UNC5D: variants seen among roughly 807,000 people sequenced by gnomAD.
UNC5D encodes the protein netrin receptor UNC5D.
In UNC5D, 39 loss-of-function variants were observed where a neutral mutation model predicts 105.4. That is an observed-to-expected ratio of 0.37 (90% CI 0.29 to 0.48). UNC5D has a LOEUF of 0.48. Among genes scored for constraint, UNC5D ranks in the 20% least tolerant of loss-of-function variants. The pLI is 0.98. For synonymous variants in UNC5D, 452 were observed against 450.4 expected (o/e 1.00, Z -0.04); for missense variants, 991 against 1,202.4 (o/e 0.82, Z 2.60).
chr8:35,455,627 A>G (rs1052225469), intron 1 of UNC5D, among the ~76,000 whole-genome samples: 1 of 151,786 alleles, frequency 6.6e-6, no homozygotes, highest in African/African-American at 2.4e-5. Flanking sequence ...ATCTCTTTTT[A>G]TGCTGCTGAT....
intron 1 of UNC5D, among the ~76,000 whole-genome samples, chr8:35,530,792 G>A (rs1355976767): frequency 1.4e-5 from 2 of 144,046 alleles, no homozygotes; most frequent in African/African-American, 5.4e-5. Context: ...TATGTGTCAA[G>A]GAATTTATCC....
chr8:35,410,690 C>T (rs1291483390), intron 1 of UNC5D, among the ~76,000 whole-genome samples: 1 of 152,052 alleles, frequency 6.6e-6, no homozygotes, highest in African/African-American at 2.4e-5. Context: ...CTGAGCTCTG[C>T]AGAGATATTT....
At chr8:35,527,955 A>G in intron 1 of UNC5D, among the ~76,000 whole-genome samples, 1 of 151,862 alleles carries the variant, frequency 6.6e-6, no homozygotes, top group East Asian at 1.9e-4. Context: ...CAACATTTTA[A>G]TTTGGCAGTG....
intron 3 of UNC5D, among the ~76,000 whole-genome samples, chr8:35,587,005 G>A (rs1014927883): frequency 6.6e-6 from 1 of 152,146 alleles, no homozygotes; most frequent in Admixed American, 6.5e-5. Flanking sequence ...AGGAAGGGGA[G>A]GCTGCTGCTT....
chr8:35,416,191 T>TA (rs549174864), intron 1 of UNC5D, among the ~76,000 whole-genome samples: 4 of 150,846 alleles, frequency 2.7e-5, no homozygotes, highest in African/African-American at 7.3e-5. Flanking sequence ...AATTAAAAAT[T>TA]AAAAAAAAAG....
intron 14 of UNC5D, among the ~76,000 whole-genome samples, chr8:35,764,314 G>C: frequency 6.6e-6 from 1 of 152,142 alleles, no homozygotes; most frequent in Non-Finnish European, 1.5e-5. Flanking sequence ...TAACAGAGAT[G>C]ATGTTTTTGG....
intron 4 of UNC5D, among the ~76,000 whole-genome samples, chr8:35,628,135 A>G (rs1442261118): frequency 1.3e-5 from 2 of 151,820 alleles, no homozygotes; most frequent in African/African-American, 4.8e-5. Context: ...TTACTTACTT[A>G]CTTACTTATT....
At chr8:35,528,194 C>T (rs1016743299) in intron 1 of UNC5D, among the ~76,000 whole-genome samples, 102 of 151,100 alleles carry the variant, frequency 6.8e-4, no homozygotes, top group African/African-American at 2.3e-3. Context: ...TATCCCTCCC[C>T]GCTCCCCCCA....
chr8:35,563,317 T>C (rs1393522029), intron 2 of UNC5D, among the ~76,000 whole-genome samples: 2 of 143,438 alleles, frequency 1.4e-5, no homozygotes, highest in African/African-American at 2.6e-5. Context: ...GTGGAGATCT[T>C]CTATGTCTTT....
chr8:35,666,558 C>G (rs1824434436), intron 4 of UNC5D, among the ~76,000 whole-genome samples: 1 of 151,624 alleles, frequency 6.6e-6, no homozygotes, highest in Non-Finnish European at 1.5e-5. Flanking sequence ...TTCATAACAA[C>G]CAGAATGCAA....
At chr8:35,608,493 T>A (rs1022939405) in intron 4 of UNC5D, among the ~76,000 whole-genome samples, 1 of 152,222 alleles carries the variant, frequency 6.6e-6, no homozygotes, top group Non-Finnish European at 1.5e-5. Flanking sequence ...ATGTAAGCCC[T>A]GAAGACAGGG....
intron 1 of UNC5D, among the ~76,000 whole-genome samples, chr8:35,481,891 C>G (rs1399833589): frequency 6.6e-6 from 1 of 152,056 alleles, no homozygotes; most frequent in Non-Finnish European, 1.5e-5. Context: ...CTCCAACACC[C>G]TCTGCTTTTC....
At chr8:35,366,319 C>T (rs1171531900) in intron 1 of UNC5D, among the ~76,000 whole-genome samples, 1 of 152,048 alleles carries the variant, frequency 6.6e-6, no homozygotes, top group Non-Finnish European at 1.5e-5. Flanking sequence ...TATCCCATTT[C>T]TCTCTTGCCA....
chr8:35,521,294 G>T (rs2130450878), intron 1 of UNC5D, among the ~76,000 whole-genome samples: 1 of 152,218 alleles, frequency 6.6e-6, no homozygotes, highest in Admixed American at 6.5e-5. Context: ...TTACTTTTAT[G>T]AAAATGAATA....
chr8:35,320,572 G>A (rs113472249), intron 1 of UNC5D, among the ~76,000 whole-genome samples: 1 of 152,232 alleles, frequency 6.6e-6, no homozygotes, highest in African/African-American at 2.4e-5. Flanking sequence ...TATATTTTGG[G>A]CTAAAATACT....
At position 35,394,406 on chromosome 8, in the gene UNC5D, T is replaced by C. The variant is rs139103442; in HGVS notation, c.104-154886T>C. Among the ~76,000 whole-genome samples, 156 of 152,320 alleles carry C rather than the reference T, an allele frequency of 1.0e-3. No homozygotes were observed. The Middle Eastern group carries it at 0.027, about 27-fold the overall frequency. On this transcript the variant is annotated intron_variant, in intron 1 of 16. Coordinates refer to ENST00000404895, the MANE Select transcript of UNC5D (RefSeq NM_080872.4). ...GTTGTACACTAATGATTTACTCTTC[T>C]GTGTGTATGTATTTCATTTTAAATA... is the stretch of plus-strand genomic sequence containing the variant.
chr8:35,292,613 A>G (rs191688958), intron 1 of UNC5D, among the ~76,000 whole-genome samples: 1 of 152,202 alleles, frequency 6.6e-6, no homozygotes, highest in Non-Finnish European at 1.5e-5. Context: ...AAACTTAACT[A>G]CTAATAGCCT....
chr8:35,480,060 G>T lies in UNC5D; in HGVS notation c.104-69232G>T, dbSNP rs576251175. On this transcript the variant is annotated intron_variant, in intron 1 of 16. Transcript: ENST00000404895. ...TAACAGATCACTCTGAGTTATCAGT[G>T]AAGTGTCATAAATATATTCAAGATA... 2.0e-5 allele frequency among the ~76,000 whole-genome samples: 3 copies of T among 152,302 alleles called. No individual in the cohort carries two copies. The South Asian group carries it at 6.2e-4, about 32-fold the overall frequency.
chr8:35,742,749 C>T (rs538750278), intron 11 of UNC5D, among the ~76,000 whole-genome samples: 2 of 152,288 alleles, frequency 1.3e-5, no homozygotes, highest in African/African-American at 4.8e-5. Flanking sequence ...GTCCAGGATA[C>T]ACCTCCCATC....
Sources: gnomAD v4.1 joint callset for allele counts (sites outside exome capture counted in the v4.1 genomes callset) on GRCh38, gnomAD v4.1.1 for gene constraint, MANE v1.5 for transcripts, NCBI Gene and HGNC (gene_info 2026-07-23, HGNC 2026-07-21) for gene names.